The following ZNF385D variants were observed in gnomAD, a reference collection of about 807,000 sequenced individuals.
ZNF385D encodes the protein zinc finger protein 385D.
ZNF385D carries 15 observed loss-of-function variants against 35.8 expected under a neutral mutation model. That is an observed-to-expected ratio of 0.42 (90% CI 0.28 to 0.64). ZNF385D has a LOEUF of 0.64. Ranked by LOEUF, ZNF385D falls within the 30% of genes least tolerant of loss-of-function variation. The probability of loss-of-function intolerance (pLI) is 0.23; values close to 1 mark genes in which losing one functional copy is unlikely to be tolerated. For missense variants in ZNF385D, 474 were observed against 494.6 expected (o/e 0.96, Z 0.39); for synonymous variants, 212 against 186.8 (o/e 1.13, Z -1.10).
At chr3:22,110,759 G>T (rs1702477971) in intron 3 of ZNF385D, among the ~76,000 whole-genome samples, 1 of 150,574 alleles carries the variant, frequency 6.6e-6, no homozygotes, top group East Asian at 1.9e-4. Flanking sequence ...TGCCCGTTGT[G>T]AACATGTACC....
chr3:22,208,670 A>AC (rs1257506473), intron 2 of ZNF385D, among the ~76,000 whole-genome samples: 1 of 151,724 alleles, frequency 6.6e-6, no homozygotes, highest in Non-Finnish European at 1.5e-5. Flanking sequence ...TATCTTATGT[A>AC]CCCCATAAAT....
At chr3:21,523,052 A>G (rs1246986885) in intron 3 of ZNF385D, among the ~76,000 whole-genome samples, 1 of 152,184 alleles carries the variant, frequency 6.6e-6, no homozygotes, top group Non-Finnish European at 1.5e-5. Context: ...ATTCTGTCAC[A>G]CAGTGGTTGT....
chr3:22,185,682 G>T (rs1695582343), intron 2 of ZNF385D, among the ~76,000 whole-genome samples: 1 of 152,128 alleles, frequency 6.6e-6, no homozygotes, highest in Non-Finnish European at 1.5e-5. Flanking sequence ...TGGCCAGGCT[G>T]GTCTTGAACT....
intron 2 of ZNF385D, among the ~76,000 whole-genome samples, chr3:22,193,384 CA>C (rs1559442872): frequency 6.6e-6 from 1 of 151,680 alleles, no homozygotes; most frequent in East Asian, 1.9e-4. Context: ...TGAAATAGAT[CA>C]AAAAAATTAA....
chr3:22,241,969 G>A lies in ZNF385D; in HGVS notation c.107-72934C>T, dbSNP rs574693487. Among the ~76,000 whole-genome samples the A allele has an allele frequency of 3.1e-4, 47 of 149,716 alleles. 5 individuals carry two copies. Among genetic ancestry groups the A allele is most frequent in the African/African-American group, 1.1e-3 (46 of 40,306 alleles). ...CTACTTTAAATATCCACTCCCATTC[G>A]CAAGAACAAAAAACCAAAGACCGCA... On this transcript the variant is annotated intron_variant, in intron 2 of 5. Transcript: ENST00000494108.
At chr3:22,123,558 C>T (rs555816479) in intron 3 of ZNF385D, among the ~76,000 whole-genome samples, 2 of 152,168 alleles carry the variant, frequency 1.3e-5, no homozygotes, top group Admixed American at 1.3e-4. Flanking sequence ...AAATGTACAA[C>T]AAAAAATTAT....
At chr3:21,459,184 G>GT (rs1703014233) in intron 4 of ZNF385D, 1 of 152,168 alleles carries the variant, frequency 6.6e-6, no homozygotes, top group Admixed American at 6.6e-5. Flanking sequence ...GGGCTATCCT[G>GT]TTGAGAGTGT....
intron 3 of ZNF385D, among the ~76,000 whole-genome samples, chr3:22,076,516 A>T (rs1485541265): frequency 6.6e-6 from 1 of 151,936 alleles, no homozygotes; most frequent in Non-Finnish European, 1.5e-5. Flanking sequence ...TTGGTCCTCC[A>T]GTGTTATGCT....
chr3:22,302,466 T>C (rs1331393779), intron 2 of ZNF385D, among the ~76,000 whole-genome samples: 2 of 151,966 alleles, frequency 1.3e-5, no homozygotes, highest in African/African-American at 4.8e-5. Context: ...CACTGATCTG[T>C]AATTTCCCAT....
At chr3:21,737,466 TACAC>T (rs1553648227) in intron 1 of ZNF385D, among the ~76,000 whole-genome samples, 2 of 149,068 alleles carry the variant, frequency 1.3e-5, no homozygotes, top group African/African-American at 4.9e-5. Flanking sequence ...GGGATATATA[TACAC>T]ACACACACAC....
chr3:22,207,666 G>A (rs1028726376), intron 2 of ZNF385D, among the ~76,000 whole-genome samples: 13 of 151,794 alleles, frequency 8.6e-5, no homozygotes, highest in African/African-American at 3.1e-4. Context: ...CAACAGAACA[G>A]GAGACAAAGG....
rs534329752 is a variant in ZNF385D, at chr3:22,288,650, CAGTG to C, written c.106+83796_106+83799del. ...TGTTGATATTTTGCTCCCCTAACCTCAGTGAGTATTTTTATGACAGTTCTTTTGA... is the reference window on the plus strand; with the variant it reads ...TGTTGATATTTTGCTCCCCTAACCTCAGTATTTTTATGACAGTTCTTTTGA... On this transcript the variant is annotated intron_variant, in intron 2 of 5. Coordinates refer to the ZNF385D transcript ENST00000494108. Among the ~76,000 whole-genome samples the C allele has an allele frequency of 3.7e-3, 556 of 152,260 alleles. 4 individuals carry two copies. Among genetic ancestry groups the C allele is most frequent in the African/African-American group, 0.011 (470 of 41,564 alleles).
chr3:22,181,367 G>C (rs1282886632), intron 2 of ZNF385D, among the ~76,000 whole-genome samples: 1 of 152,004 alleles, frequency 6.6e-6, no homozygotes, highest in Non-Finnish European at 1.5e-5. Context: ...CACTCTCCTG[G>C]AGGGTAGAAC....
At chr3:22,258,182 C>T (rs1700413590) in intron 2 of ZNF385D, among the ~76,000 whole-genome samples, 1 of 151,422 alleles carries the variant, frequency 6.6e-6, no homozygotes, top group Admixed American at 6.6e-5. Context: ...AAATTTTGCC[C>T]CCAAAAAGTT....
At chr3:22,362,343 A>G (rs1696450486) in intron 2 of ZNF385D, among the ~76,000 whole-genome samples, 1 of 152,060 alleles carries the variant, frequency 6.6e-6, no homozygotes, top group Non-Finnish European at 1.5e-5. Flanking sequence ...AAATTTCTGA[A>G]TAATTAAAAA....
At chr3:22,231,273 CT>C (rs1466515217) in intron 2 of ZNF385D, among the ~76,000 whole-genome samples, 3 of 152,148 alleles carry the variant, frequency 2.0e-5, no homozygotes, top group Non-Finnish European at 4.4e-5. Context: ...GGGCCACTGA[CT>C]CACTGGCCCT....
rs116115293 is a variant in ZNF385D, at chr3:21,868,340, T to C, written c.326-203312A>G. Among the ~76,000 whole-genome samples the C allele has an allele frequency of 5.9e-3, 897 of 152,238 alleles. 10 individuals carry two copies. The highest frequency in any genetic ancestry group is 0.021 in the African/African-American group (855 of 41,564). The stretch of plus-strand genomic sequence containing the variant: ...CCTATGGGCCATATTTAAAGACCCC[T>C]GCTCATGATAATTCTATGATTTTAT... On this transcript the variant is annotated intron_variant, in intron 3 of 5. Transcript: ENST00000494108.
chr3:22,205,351 G>A (rs1697077600), intron 2 of ZNF385D, among the ~76,000 whole-genome samples: 1 of 151,674 alleles, frequency 6.6e-6, no homozygotes, highest in South Asian at 2.1e-4. Flanking sequence ...CCAGACCTGT[G>A]CTATAAGAAA....
chr3:21,758,153 A>G (rs1251593859), intron 3 of ZNF385D, among the ~76,000 whole-genome samples: 1 of 152,186 alleles, frequency 6.6e-6, no homozygotes, highest in African/African-American at 2.4e-5. Context: ...TGTTTGTATA[A>G]CCTTATTACA....
Sources: gnomAD v4.1 joint callset for allele counts (sites outside exome capture counted in the v4.1 genomes callset) on GRCh38, gnomAD v4.1.1 for gene constraint, MANE v1.5 for transcripts, NCBI Gene and HGNC (gene_info 2026-07-23, HGNC 2026-07-21) for gene names.